Variants in LEPR observed in about 807,000 individuals in gnomAD.
LEPR encodes the protein leptin receptor, also known as OB receptor.
A neutral mutation model predicts 114.7 loss-of-function variants in LEPR; 56 were observed. The ratio of observed to expected loss-of-function variants is 0.49; its 90% CI spans 0.39 to 0.61. The LOEUF is 0.61. Among genes scored for constraint, LEPR ranks in the 20% least tolerant of loss-of-function variants. LEPR has a pLI of 0.00. For missense variants in LEPR, 1,202 were observed against 1,352.9 expected, an observed-to-expected ratio of 0.89 and a Z score of 1.75; for synonymous variants, 443 against 461.4, an observed-to-expected ratio of 0.96 and a Z score of 0.51.
At chr1:65,557,749 A>C (rs1279364173) in intron 2 of LEPR, among the ~76,000 whole-genome samples, 2 of 152,116 alleles carry the variant, frequency 1.3e-5, no homozygotes, top group African/African-American at 4.8e-5. Context: ...TGTTTTAAAA[A>C]ACTTCTTTAT....
chr1:65,529,823 A>G (rs1650260714), intron 2 of LEPR, among the ~76,000 whole-genome samples: 1 of 152,060 alleles, frequency 6.6e-6, no homozygotes, highest in African/African-American at 2.4e-5. Flanking sequence ...CCAGGACACC[A>G]TGCATTCTTG....
In LEPR at chr1:65,570,747, C is replaced by G. The variant is rs1294845254; in HGVS notation, c.315C>G (p.Asn105Lys). ...QDRNCSLCAD[N>K]IEGKTFVSTV... ...GAAACTGCTCCTTATGTGCAGACAA[C>G]ATTGAAGGAAAGACATTTGTTTCAA... The change falls in exon 4 of 20, where the codon AAC (asparagine) becomes AAG (lysine). Residue 105 changes from asparagine to lysine, a missense_variant. Coordinates refer to ENST00000349533, the MANE Select transcript of LEPR (RefSeq NM_002303.6). 8.8e-6 allele frequency: 14 copies of G among 1,589,962 alleles called. No homozygotes were observed. Among genetic ancestry groups the G allele is most frequent in the Non-Finnish European group, 1.1e-5 (13 of 1,166,436 alleles).
chr1:65,432,050 T>C, intron 2 of LEPR: 1 of 1,381,364 alleles, frequency 7.2e-7, no homozygotes, highest in Non-Finnish European at 9.4e-7. Flanking sequence ...CATGTTCACT[T>C]TAAGAAAGAC....
intron 2 of LEPR, among the ~76,000 whole-genome samples, chr1:65,519,671 A>G (rs1460724174): frequency 6.6e-6 from 1 of 151,880 alleles, no homozygotes; most frequent in Admixed American, 6.5e-5. Flanking sequence ...TAACAACTCT[A>G]CTTCCTCAGA....
chr1:65,552,317 C>T (rs1652446689), intron 2 of LEPR, among the ~76,000 whole-genome samples: 1 of 152,120 alleles, frequency 6.6e-6, no homozygotes, highest in East Asian at 1.9e-4. Flanking sequence ...GCTAAAGTTT[C>T]CCACTATTAT....
In LEPR at chr1:65,601,859, C is replaced by G. The variant is rs754616031; in HGVS notation, c.1302C>G (p.Ile434Met). Residue 434 changes from isoleucine (I) to methionine (M), a missense_variant, in exon 10 of 20, where the codon ATC (isoleucine) becomes ATG (methionine). By Grantham distance (10) the Ile-to-Met change is conservative (BLOSUM62 1). Transcript: ENST00000349533. ...TTCAAATAGATGTCAATATCAATATCTCATGTGAAACTGATGGGTACTTAA... is the reference window on the plus strand; with the variant it reads ...TTCAAATAGATGTCAATATCAATATGTCATGTGAAACTGATGGGTACTTAA... ...ELYVIDVNIN[I>M]SCETDGYLTK... is the part of the protein sequence containing the mutation. 12 of 1,613,012 alleles carry G rather than the reference C, an allele frequency of 7.4e-6. No individual in the cohort carries two copies. Among genetic ancestry groups the G allele is most frequent in the Non-Finnish European group, 1.0e-5 (12 of 1,179,330 alleles).
intron 1 of LEPR, among the ~76,000 whole-genome samples, chr1:65,423,376 A>T (rs529255068): frequency 6.6e-6 from 1 of 152,212 alleles, no homozygotes; most frequent in South Asian, 2.1e-4. Flanking sequence ...AAAAAGAGGA[A>T]AAAAAAGACC....
chr1:65,571,791 CAAAAAAAAAAAA>C (rs34139057), intron 4 of LEPR, among the ~76,000 whole-genome samples: 2 of 73,692 alleles, frequency 2.7e-5, no homozygotes, highest in Admixed American at 1.6e-4. Context: ...CCATCTCTAC[CAAAAAAAAAAAA>C]AAAAAAAAAA....
At chr1:65,613,990 T>C (rs573817007) in intron 14 of LEPR, among the ~76,000 whole-genome samples, 44 of 152,208 alleles carry the variant, frequency 2.9e-4, no homozygotes, top group Non-Finnish European at 2.9e-4. Context: ...CTTTTATTCA[T>C]TGCTGTGGAA....
chr1:65,557,843 T>C (rs1428255826), intron 2 of LEPR, among the ~76,000 whole-genome samples: 2 of 152,230 alleles, frequency 1.3e-5, no homozygotes, highest in East Asian at 3.8e-4. Context: ...TTCAAGGTTG[T>C]GTCTATGTCC....
At chr1:65,585,816 A>G (rs1044974250) in intron 5 of LEPR, among the ~76,000 whole-genome samples, 1 of 151,994 alleles carries the variant, frequency 6.6e-6, no homozygotes, top group Non-Finnish European at 1.5e-5. Context: ...AAAATTATCA[A>G]ATTTGTTAGA....
chr1:65,487,111 T>C (rs1647531189), intron 2 of LEPR, among the ~76,000 whole-genome samples: 2 of 152,148 alleles, frequency 1.3e-5, no homozygotes, highest in South Asian at 4.1e-4. Flanking sequence ...GTTTAACCAA[T>C]TGTATAATAG....
chr1:65,613,433 T>C (rs1166554928), intron 14 of LEPR, among the ~76,000 whole-genome samples: 3 of 152,050 alleles, frequency 2.0e-5, no homozygotes, highest in Admixed American at 1.3e-4. Context: ...AAAGGACTTA[T>C]AACCAAATTA....
intron 2 of LEPR, among the ~76,000 whole-genome samples, chr1:65,535,065 G>C (rs1043813118): frequency 3.3e-5 from 5 of 152,052 alleles, no homozygotes; most frequent in Non-Finnish European, 7.4e-5. Flanking sequence ...CTGAACCAAA[G>C]TGGTTTGTGT....
intron 2 of LEPR, 113 bp from the exon 3 acceptor site, chr1:65,565,433 G>A: frequency 9.8e-7 from 1 of 1,017,144 alleles, no homozygotes. Flanking sequence ...AGTATCACAT[G>A]TAAATTTAGA....
At chr1:65,578,296 T>A (rs1012027653) in intron 5 of LEPR, 2 of 232,682 alleles carry the variant, frequency 8.6e-6, no homozygotes, top group Non-Finnish European at 1.8e-5. Context: ...TCACCGAAGT[T>A]GAAATGAACA....
chr1:65,589,711 GTAGAAA>G (rs1655557820), intron 5 of LEPR, among the ~76,000 whole-genome samples: 1 of 151,930 alleles, frequency 6.6e-6, no homozygotes. Flanking sequence ...TTGTGCCTTT[GTAGAAA>G]ATCAGTTGTC....
intron 2 of LEPR, among the ~76,000 whole-genome samples, chr1:65,428,772 G>GA (rs1372955333): frequency 6.6e-6 from 1 of 151,822 alleles, no homozygotes; most frequent in African/African-American, 2.4e-5. Context: ...GTCTGATGGA[G>GA]AAAAAAAGAT....
chr1:65,633,262 A>G lies in LEPR; in HGVS notation c.2674-2929A>G, dbSNP rs1658596864. Reference sequence around the variant, plus strand: ...AGATTTTTACATTTTGAAGAAGGGGAGCAAATCTAAAAAAAATTCAGTTGA... The same window carrying G: ...AGATTTTTACATTTTGAAGAAGGGGGGCAAATCTAAAAAAAATTCAGTTGA... On this transcript the variant is annotated intron_variant, in intron 19 of 19. Coordinates refer to ENST00000349533, the MANE Select transcript of LEPR (RefSeq NM_002303.6). This position sits in a 1 kb window ranked among gnomAD's most constrained non-coding sequence, Gnocchi z 4.1. The G allele has an allele frequency of 2.6e-6, 4 of 1,556,700 alleles. No individual in the cohort carries two copies. In the East Asian group the frequency reaches 9.1e-5, roughly 35 times the overall value.
Sources: gnomAD v4.1 joint callset for allele counts (sites outside exome capture counted in the v4.1 genomes callset) on GRCh38, gnomAD v4.1.1 for gene constraint, Gnocchi (gnomAD v3.1) non-coding constraint, MANE v1.5 for transcripts, NCBI Gene and HGNC (gene_info 2026-07-23, HGNC 2026-07-21) for gene names.